The following SENP1 variants were observed in gnomAD, a reference collection of about 807,000 sequenced individuals.
The protein encoded by SENP1 is sentrin-specific protease 1.
A neutral mutation model predicts 93.0 loss-of-function variants in SENP1; 21 were observed. The observed-to-expected ratio is 0.23, with a 90% CI of 0.16 to 0.33. The LOEUF (loss-of-function observed/expected upper bound fraction) is 0.33. SENP1 is among the 10% of genes least tolerant of loss of function. The pLI, the probability that SENP1 is intolerant of heterozygous loss-of-function variation, is 1.00. For synonymous variants in SENP1, 256 were observed against 259.6 expected (o/e 0.99, Z 0.13); for missense variants, 591 against 758.7 (o/e 0.78, Z 2.60).
chr12:48,043,903 G>A lies in SENP1; in HGVS notation c.*1419C>T, dbSNP rs11168371. ...AAAAGCACAATGCTGGAAAGAATGC[G>A]GTACAACGGGAGAGGAGAAAAGATT... On this transcript the variant is annotated 3_prime_UTR_variant, in exon 18 of 18. Coordinates refer to ENST00000549518, the MANE Select transcript of SENP1 (RefSeq NM_001267594.2). 0.17 allele frequency: 26,211 copies of A among 152,548 alleles called. 2,611 individuals carry two copies. Among genetic ancestry groups the A allele is most frequent in the East Asian group, 0.28 (1,434 of 5,176 alleles). 9.4% of individuals were successfully genotyped at this position (152,548 alleles called of 1,614,324 possible).
Position 48,065,661 on chromosome 12 carries a change from G to A in SENP1, c.1054C>T (p.Arg352Ter). 1.3e-6 allele frequency: 2 copies of A among 1,558,166 alleles called. No homozygotes were observed. The highest frequency in any genetic ancestry group is 1.7e-6 in the Non-Finnish European group (2 of 1,149,558). Residue 352 changes from arginine (R) to a stop codon, truncating the protein, a stop_gained, in exon 11 of 18, where the codon CGA becomes TGA. Coordinates refer to ENST00000549518, the MANE Select transcript of SENP1 (RefSeq NM_001267594.2). LOFTEE classifies it high-confidence loss of function. The part of the protein sequence containing the change: ...IKELTSVYDS[R>*]ARERLRQIEE... The stretch of plus-strand genomic sequence containing the variant: ...ATCTGGCGCAATCTTTCTCGTGCTC[G>A]AGAATCATAAACACTAGTTCTAGAA...
intron 13 of SENP1, among the ~76,000 whole-genome samples, chr12:48,058,287 A>T (rs765672289): frequency 2.0e-5 from 3 of 152,144 alleles, no homozygotes; most frequent in Admixed American, 1.3e-4. Flanking sequence ...AATTTAAAAT[A>T]TGTGGCTCAC....
At chr12:48,091,432 A>T (rs1945219150) in intron 4 of SENP1, among the ~76,000 whole-genome samples, 3 of 151,922 alleles carry the variant, frequency 2.0e-5, no homozygotes, top group Non-Finnish European at 4.4e-5. Context: ...CCTGGGCGAC[A>T]GAGCGAGATT....
chr12:48,087,529 T>C (rs922160743), intron 5 of SENP1, among the ~76,000 whole-genome samples: 7 of 152,104 alleles, frequency 4.6e-5, no homozygotes, highest in African/African-American at 1.7e-4. Flanking sequence ...TATCATACTA[T>C]ATATGAGTAA....
chr12:48,085,280 G>A (rs1362175614), intron 5 of SENP1: 10 of 1,548,698 alleles, frequency 6.5e-6, no homozygotes, highest in Non-Finnish European at 8.9e-6. Context: ...TCGCAGAGAT[G>A]GTGCAGCATG....
At chr12:48,052,598 C>G (rs1049724068) in intron 13 of SENP1, among the ~76,000 whole-genome samples, 2 of 152,158 alleles carry the variant, frequency 1.3e-5, no homozygotes, top group African/African-American at 4.8e-5. Context: ...AGGAGCTAAC[C>G]TAGTAATATT....
chr12:48,071,715 T>A lies in SENP1; in HGVS notation c.947A>T (p.Asp316Val), dbSNP rs771462984. Residue 316 changes from aspartate to valine, a missense_variant, in exon 9 of 18, where the codon GAC becomes GTC. By Grantham distance (152) the Asp-to-Val change is radical (BLOSUM62 -3). This residue lies in a region of SENP1 where 238 missense variants were observed against 259.1 expected (regional missense o/e 0.92). Transcript: ENST00000549518. ...TTTCACTTTCAGTAAAATCACAGAG[T>A]CTGATCCTAAAGAAACACAAGAGCA... ...AASNTQSEGS[D>V]SVILLKVKDS... 6.2e-7 allele frequency: 1 copy of A among 1,605,320 alleles called. No homozygotes were observed. The highest frequency in any genetic ancestry group is 2.2e-5 in the East Asian group (1 of 44,806).
chr12:48,049,051 A>G lies in SENP1; in HGVS notation c.1489T>C (p.Phe497Leu). The change falls in exon 14 of 18, where the codon TTC (phenylalanine) becomes CTC (leucine). Residue 497 changes from phenylalanine (F) to leucine (L), a missense_variant. This residue lies in a region of SENP1 where 132 missense variants were observed against 230.1 expected (regional missense o/e 0.57). Transcript: ENST00000549518. ...LPSVHAFNTFFFTKLKTAGYQ... is the reference protein window; with the variant it reads ...LPSVHAFNTFLFTKLKTAGYQ... ...CCAGCCGTTTTTAATTTAGTGAAGA[A>G]AAAGGTATTAAATGCATGCACACTT... is the stretch of plus-strand genomic sequence containing the variant. 6.2e-7 allele frequency: 1 copy of G among 1,613,728 alleles called. No homozygotes were observed. The highest frequency in any genetic ancestry group is 8.5e-7 in the Non-Finnish European group (1 of 1,179,686).
chr12:48,103,282 A>G (rs1482860355), intron 1 of SENP1, among the ~76,000 whole-genome samples: 1 of 152,232 alleles, frequency 6.6e-6, no homozygotes, highest in Non-Finnish European at 1.5e-5. Flanking sequence ...AGAGAGGTTA[A>G]GTGACTTCCC....
rs117260222 is a variant in SENP1, at chr12:48,050,392, T to G, written c.1408-1260A>C. On this transcript the variant is annotated intron_variant, in intron 13 of 17. Transcript: ENST00000549518. Reference sequence around the variant, plus strand: ...CTAGACCAGAGAAAGGGCCTATAGATGAGGATGCCTAGGCAGCTGCGGGAA... The same window carrying G: ...CTAGACCAGAGAAAGGGCCTATAGAGGAGGATGCCTAGGCAGCTGCGGGAA... Among the ~76,000 whole-genome samples the G allele has an allele frequency of 2.9e-3, 436 of 152,196 alleles. 9 individuals carry two copies. The East Asian group carries it at 0.049, about 17-fold the overall frequency.
intron 13 of SENP1, among the ~76,000 whole-genome samples, chr12:48,062,664 G>T (rs536359936): frequency 4.6e-5 from 7 of 152,286 alleles, no homozygotes; most frequent in Admixed American, 4.6e-4. Flanking sequence ...CAATGCTTGG[G>T]TCTTAATCTT....
chr12:48,058,639 T>C (rs548245608), intron 13 of SENP1, among the ~76,000 whole-genome samples: 3 of 152,344 alleles, frequency 2.0e-5, no homozygotes, highest in Non-Finnish European at 4.4e-5. Context: ...CTTTGTGCTG[T>C]GATTATATTT....
chr12:48,096,306 G>C lies in SENP1; in HGVS notation c.220+37C>G, dbSNP rs748156197. 7 of 1,189,352 alleles carry C rather than the reference G, an allele frequency of 5.9e-6. No individual in the cohort carries two copies. The East Asian group carries it at 1.4e-4, about 24-fold the overall frequency. The allele number at this position is 1,189,352 out of a possible 1,614,324, so 73.7% of individuals were successfully genotyped here. A position where few individuals can be genotyped will look rare whatever the true frequency, so the allele number is the denominator to read the frequency against. ...CGATATGCTATCAAGAAATCCAAAA[G>C]GTATAAAGTCCCTTGACTCCAAGTA... On this transcript the variant is annotated intron_variant, in intron 4 of 17. Coordinates refer to ENST00000549518, the MANE Select transcript of SENP1 (RefSeq NM_001267594.2).
At chr12:48,085,683 A>ATGTTAAAT (rs1286144144) in intron 5 of SENP1, among the ~76,000 whole-genome samples, 1 of 138,404 alleles carries the variant, frequency 7.2e-6, no homozygotes, top group African/African-American at 2.8e-5. Flanking sequence ...GTCATTGTTG[A>ATGTTAAAT]TGTTAAATTA....
intron 3 of SENP1, 31 bp from the exon 4 acceptor site, chr12:48,096,458 AC>A: frequency 1.4e-6 from 2 of 1,454,380 alleles, no homozygotes; most frequent in Admixed American, 4.0e-5. Context: ...TTCTTAAGTC[AC>A]ATTTTTTTTT....
At position 48,099,884 on chromosome 12, in the gene SENP1, C is replaced by T. The variant is rs116745828; in HGVS notation, c.4+1585G>A. Among the ~76,000 whole-genome samples the T allele has an allele frequency of 6.4e-3, 981 of 152,270 alleles. 6 individuals carry two copies. The highest frequency in any genetic ancestry group is 0.023 in the African/African-American group (946 of 41,542). On this transcript the variant is annotated intron_variant, in intron 2 of 17. Coordinates refer to ENST00000549518, the MANE Select transcript of SENP1 (RefSeq NM_001267594.2). ...TCATATTGCTCTTAACAGGTATCAG[C>T]TCAATAACTATAATATTATGGCAGA... is the stretch of plus-strand genomic sequence containing the variant.
Position 48,044,840 on chromosome 12 carries a change from T to TTGTG in SENP1, c.*478_*481dup, listed in dbSNP as rs141876787. On this transcript the variant is annotated 3_prime_UTR_variant, in exon 18 of 18. Coordinates refer to ENST00000549518, the MANE Select transcript of SENP1 (RefSeq NM_001267594.2). ...CATTCCTGACCATACATCGTGAAAA[T>TTGTG]TGTGTGTGTGTGTGTGTTTGTGTGT... is the stretch of plus-strand genomic sequence containing the variant. 11 of 155,564 alleles carry TTGTG rather than the reference T, an allele frequency of 7.1e-5. No individual in the cohort carries two copies. The highest frequency in any genetic ancestry group is 1.4e-4 in the Non-Finnish European group (10 of 70,056). 9.6% of individuals were successfully genotyped at this position (155,564 alleles called of 1,614,324 possible).
At chr12:48,063,638 A>G in intron 13 of SENP1, 72 bp downstream of exon 13, 1 of 1,476,224 alleles carries the variant, frequency 6.8e-7, no homozygotes, top group South Asian at 1.2e-5. Flanking sequence ...TTTGAGAAAA[A>G]GTGAGATAAT....
At chr12:48,084,200 G>A (rs893921335) in intron 5 of SENP1, among the ~76,000 whole-genome samples, 1 of 152,096 alleles carries the variant, frequency 6.6e-6, no homozygotes, top group African/African-American at 2.4e-5. Flanking sequence ...ATGCATAAAG[G>A]CTGAAGCCTC....
Sources: allele counts gnomAD v4.1 joint callset (sites outside exome capture counted in the v4.1 genomes callset), GRCh38; gene constraint gnomAD v4.1.1; regional missense constraint gnomAD v4.1.1; transcripts MANE v1.5; gene names NCBI Gene and HGNC (gene_info 2026-07-23, HGNC 2026-07-21).